The following SUSD6 variants were observed in gnomAD, a reference collection of about 807,000 sequenced individuals.
SUSD6 encodes sushi domain-containing protein 6.
A neutral mutation model predicts 28.4 loss-of-function variants in SUSD6; 16 were observed. That is an observed-to-expected ratio of 0.56 (90% CI 0.38 to 0.86). The LOEUF (loss-of-function observed/expected upper bound fraction) is 0.86. Among genes scored for constraint, SUSD6 ranks in the 40% least tolerant of loss-of-function variants. The pLI, the probability that SUSD6 is intolerant of heterozygous loss-of-function variation, is 0.00. For synonymous variants in SUSD6, 147 were observed against 159.6 expected (o/e 0.92, Z 0.59); for missense variants, 341 against 384.2 (o/e 0.89, Z 0.94).
chr14:69,690,172 TCCAAAGAG>T (rs1470347015), intron 2 of SUSD6, among the ~76,000 whole-genome samples: 2 of 152,098 alleles, frequency 1.3e-5, no homozygotes, highest in Non-Finnish European at 2.9e-5. Flanking sequence ...GAGACTAGGG[TCCAAAGAG>T]CCAAAGAGGC....
chr14:69,693,631 T>C (rs780731745), intron 2 of SUSD6, among the ~76,000 whole-genome samples: 13 of 152,254 alleles, frequency 8.5e-5, no homozygotes, highest in Admixed American at 2.6e-4. Context: ...CATGAAAATT[T>C]ATCAGTGCCT....
chr14:69,647,608 G>T (rs983307996), intron 1 of SUSD6, among the ~76,000 whole-genome samples: 1 of 151,830 alleles, frequency 6.6e-6, no homozygotes, highest in Admixed American at 6.6e-5. Context: ...GTATTTAACC[G>T]TTTTGCCAAG....
intron 1 of SUSD6, among the ~76,000 whole-genome samples, chr14:69,632,923 A>T (rs1885216227): frequency 6.6e-6 from 1 of 151,998 alleles, no homozygotes. Context: ...CACCACCCTA[A>T]CCAGACCTTG....
At chr14:69,653,198 A>G (rs1158676427) in intron 1 of SUSD6, among the ~76,000 whole-genome samples, 1 of 152,120 alleles carries the variant, frequency 6.6e-6, no homozygotes, top group Non-Finnish European at 1.5e-5. Flanking sequence ...CCAGCTGTTG[A>G]TATTCTAGGT....
At chr14:69,706,065 G>A (rs2139646912) in intron 4 of SUSD6, among the ~76,000 whole-genome samples, 1 of 152,302 alleles carries the variant, frequency 6.6e-6, no homozygotes, top group East Asian at 1.9e-4. Context: ...TACAGACAAG[G>A]ACCAGGCTAG....
intron 1 of SUSD6, among the ~76,000 whole-genome samples, chr14:69,613,257 G>A (rs572665512): frequency 6.6e-6 from 1 of 152,058 alleles, no homozygotes; most frequent in Non-Finnish European, 1.5e-5. Context: ...TCTTCTAGTT[G>A]AGACCCAAAC....
In SUSD6 at chr14:69,712,104, G is replaced by A. The variant is rs1445675863; in HGVS notation, c.*1125G>A. ...CGGTCCTGAGGATCCTCCTCACCAT[G>A]GTCACGTGCCTTAGTAACTGTGCCC... is the stretch of plus-strand genomic sequence containing the variant. On this transcript the variant is annotated 3_prime_UTR_variant, in exon 6 of 6. Coordinates refer to ENST00000342745, the MANE Select transcript of SUSD6 (RefSeq NM_014734.4). 1 of 152,362 alleles carries A rather than the reference G, an allele frequency of 6.6e-6. No homozygotes were observed. The highest frequency in any genetic ancestry group is 1.5e-5 in the Non-Finnish European group (1 of 68,146). The allele number at this position is 152,362 out of a possible 1,614,324, so 9.4% of individuals were successfully genotyped here. A position where few individuals can be genotyped will look rare whatever the true frequency, so the allele number is the denominator to read the frequency against.
intron 2 of SUSD6, among the ~76,000 whole-genome samples, chr14:69,667,256 C>G (rs1347662417): frequency 6.6e-6 from 1 of 152,062 alleles, no homozygotes; most frequent in East Asian, 1.9e-4. Context: ...TTCTCTTTTT[C>G]CCTGTTGATC....
At chr14:69,673,586 T>C (rs1885864936) in intron 2 of SUSD6, among the ~76,000 whole-genome samples, 1 of 152,176 alleles carries the variant, frequency 6.6e-6, no homozygotes, top group Non-Finnish European at 1.5e-5. Flanking sequence ...TAAGGGAGGA[T>C]GCTGGCAGAT....
At chr14:69,636,053 G>A (rs1442649329) in intron 1 of SUSD6, among the ~76,000 whole-genome samples, 2 of 152,258 alleles carry the variant, frequency 1.3e-5, no homozygotes, top group Admixed American at 1.3e-4. Flanking sequence ...TAGTCAGCTA[G>A]TGGGTGTGGA....
chr14:69,669,679 A>C (rs550052837), intron 2 of SUSD6, among the ~76,000 whole-genome samples: 1 of 151,096 alleles, frequency 6.6e-6, no homozygotes, highest in Non-Finnish European at 1.5e-5. Flanking sequence ...CTAGAATTCT[A>C]CCTCCTGCCT....
intron 1 of SUSD6, among the ~76,000 whole-genome samples, chr14:69,642,435 A>G (rs1885365761): frequency 6.6e-6 from 1 of 152,208 alleles, no homozygotes; most frequent in Admixed American, 6.5e-5. Flanking sequence ...GGGAAGAAAA[A>G]GAGGTTTGAT....
intron 1 of SUSD6, chr14:69,615,500 C>G (rs1172082736): frequency 6.6e-6 from 1 of 152,256 alleles, no homozygotes; most frequent in Non-Finnish European, 1.5e-5. Flanking sequence ...CGATGGTGTC[C>G]TTTTTCTTCC....
chr14:69,637,356 G>A (rs1885279804), intron 1 of SUSD6, among the ~76,000 whole-genome samples: 1 of 152,106 alleles, frequency 6.6e-6, no homozygotes, highest in Non-Finnish European at 1.5e-5. Context: ...CTTCTTGAGG[G>A]CAGAGACTGT....
chr14:69,697,428 ATTCAGATGCCTC>A (rs1227064229), intron 2 of SUSD6, among the ~76,000 whole-genome samples: 1 of 152,194 alleles, frequency 6.6e-6, no homozygotes, highest in African/African-American at 2.4e-5. Flanking sequence ...AGTCGCTGTC[ATTCAGATGCCTC>A]TTATATAAGT....
chr14:69,696,984 G>A (rs924139547), intron 2 of SUSD6, among the ~76,000 whole-genome samples: 2 of 152,208 alleles, frequency 1.3e-5, no homozygotes, highest in African/African-American at 4.8e-5. Flanking sequence ...ACTCGGCTGA[G>A]TGTATTTATA....
At chr14:69,660,238 C>T (rs1595045716) in intron 2 of SUSD6, among the ~76,000 whole-genome samples, 1 of 152,224 alleles carries the variant, frequency 6.6e-6, no homozygotes, top group African/African-American at 2.4e-5. Flanking sequence ...GATAATGGCA[C>T]AGTCTCAGCT....
chr14:69,646,200 A>G (rs999764654), intron 1 of SUSD6, among the ~76,000 whole-genome samples: 1 of 152,060 alleles, frequency 6.6e-6, no homozygotes, highest in African/African-American at 2.4e-5. Flanking sequence ...TGTATCTGCC[A>G]CTTCTCATGT....
rs978598197 is a variant in SUSD6 at position 69,713,330 on chromosome 14, G to A, written c.*2351G>A. The A allele has an allele frequency of 1.3e-5, 2 of 152,302 alleles. No individual in the cohort carries two copies. The highest frequency in any genetic ancestry group is 2.9e-5 in the Non-Finnish European group (2 of 68,114). 9.4% of individuals were successfully genotyped at this position (152,302 alleles called of 1,614,324 possible). A position where few individuals can be genotyped will look rare whatever the true frequency, so the allele number is the denominator to read the frequency against. On this transcript the variant is annotated 3_prime_UTR_variant, in exon 6 of 6. Coordinates refer to ENST00000342745, the MANE Select transcript of SUSD6 (RefSeq NM_014734.4). ...CCAGGCTTGCCCACCTGGTAGGAAA[G>A]GAAGAAATTAGAACAATGGGAGCCT...
Sources: allele counts gnomAD v4.1 joint callset (sites outside exome capture counted in the v4.1 genomes callset), GRCh38; gene constraint gnomAD v4.1.1; transcripts MANE v1.5; gene names NCBI Gene and HGNC (gene_info 2026-07-23, HGNC 2026-07-21).